Variants in ZNF362 observed in about 807,000 individuals in gnomAD.
ZNF362 encodes zinc finger protein 362.
In ZNF362, 11 loss-of-function variants were observed where a neutral mutation model predicts 42.9. That is an observed-to-expected ratio of 0.26 (90% CI 0.16 to 0.42). ZNF362 has a LOEUF of 0.42. Ranked by LOEUF, ZNF362 falls within the 20% of genes least tolerant of loss-of-function variation. The pLI, the probability that ZNF362 is intolerant of heterozygous loss-of-function variation, is 1.00. For synonymous variants in ZNF362, 255 were observed against 257.3 expected (o/e 0.99, Z 0.09); for missense variants, 362 against 576.2 (o/e 0.63, Z 3.81).
chr1:33,172,071 G>A, the ZNF362 span, among the ~76,000 whole-genome samples: 2 of 152,092 alleles, frequency 1.3e-5, no homozygotes, highest in Admixed American at 6.6e-5. Context: ...CATCAGCCAT[G>A]GCACCGGACC....
At chr1:33,267,664 A>G (rs921755840) in intron 1 of ZNF362, among the ~76,000 whole-genome samples, 3 of 152,202 alleles carry the variant, frequency 2.0e-5, no homozygotes, top group African/African-American at 7.2e-5. Context: ...TGACAGGCCA[A>G]TGTGAGTGTT....
At chr1:33,255,667 C>A (rs372439610), upstream of ZNF362, among the ~76,000 whole-genome samples, 51 of 152,294 alleles carry the variant, frequency 3.3e-4, 1 homozygote, top group East Asian at 9.1e-3. Context: ...CGAGAGGAGC[C>A]ACTGCCAGCT....
chr1:33,263,442 G>T (rs939700672), intron 1 of ZNF362, among the ~76,000 whole-genome samples: 1 of 150,054 alleles, frequency 6.7e-6, no homozygotes, highest in African/African-American at 2.5e-5. Flanking sequence ...ATGGAGTCTC[G>T]CTCTATCACC....
the ZNF362 span, among the ~76,000 whole-genome samples, chr1:33,221,583 A>G: frequency 6.6e-6 from 1 of 152,240 alleles, no homozygotes; most frequent in African/African-American, 2.4e-5. Context: ...GCGCAAGTAT[A>G]TATTTGTAAT....
the ZNF362 span, chr1:33,147,730 G>A: frequency 6.2e-7 from 1 of 1,607,062 alleles, no homozygotes; most frequent in Non-Finnish European, 8.5e-7. This position sits in a 1 kb window ranked among gnomAD's most constrained non-coding sequence, Gnocchi z 8.1. Context: ...GGCTGGCACT[G>A]TGGGGGTTGG....
the ZNF362 span, among the ~76,000 whole-genome samples, chr1:33,187,335 A>G: frequency 6.6e-6 from 1 of 152,236 alleles, no homozygotes; most frequent in African/African-American, 2.4e-5. Flanking sequence ...CAGGGCATTG[A>G]CAGTATGTGT....
intron 1 of ZNF362, among the ~76,000 whole-genome samples, chr1:33,268,582 G>A (rs182134673): frequency 6.6e-6 from 1 of 152,294 alleles, no homozygotes; most frequent in African/African-American, 2.4e-5. Flanking sequence ...AGCAGTCCCC[G>A]ATTGCTTCCA....
At chr1:33,253,567 C>T (rs572713650), upstream of ZNF362, among the ~76,000 whole-genome samples, 68 of 152,082 alleles carry the variant, frequency 4.5e-4, no homozygotes, top group African/African-American at 1.5e-3. Flanking sequence ...GGAGGAGACT[C>T]GTGGGGCAAA....
the ZNF362 span, among the ~76,000 whole-genome samples, chr1:33,174,918 TACAC>T: frequency 7.3e-5 from 10 of 137,380 alleles, no homozygotes; most frequent in African/African-American, 2.0e-4. Flanking sequence ...TATATATATA[TACAC>T]ACACACACAT....
At chr1:33,278,392 T>C (rs1350753123) in intron 4 of ZNF362, among the ~76,000 whole-genome samples, 2 of 152,178 alleles carry the variant, frequency 1.3e-5, no homozygotes, top group Non-Finnish European at 2.9e-5. Flanking sequence ...TTATAGAAAA[T>C]TTGGAAATTG....
At chr1:33,168,733 C>G in the ZNF362 span, among the ~76,000 whole-genome samples, 1 of 152,188 alleles carries the variant, frequency 6.6e-6, no homozygotes, top group African/African-American at 2.4e-5. Context: ...GTAGAAAGAC[C>G]GCTCCTCAGG....
the ZNF362 span, among the ~76,000 whole-genome samples, chr1:33,205,307 G>C: frequency 2.0e-5 from 3 of 151,730 alleles, no homozygotes; most frequent in Non-Finnish European, 4.4e-5. Flanking sequence ...AACATAGTGA[G>C]ACCTCATCTC....
At chr1:33,269,056 T>C (rs544894474) in intron 1 of ZNF362, among the ~76,000 whole-genome samples, 4 of 152,194 alleles carry the variant, frequency 2.6e-5, no homozygotes, top group Non-Finnish European at 5.9e-5. Flanking sequence ...ATCAGCTTCA[T>C]GGTACAGATT....
chr1:33,230,506 A>G, the ZNF362 span, among the ~76,000 whole-genome samples: 3 of 152,218 alleles, frequency 2.0e-5, no homozygotes, highest in African/African-American at 7.2e-5. Context: ...TCTGTAGGAT[A>G]CATAATACTA....
rs781344302 is a variant in ZNF362, at chr1:33,276,551, C to T, written c.306C>T (p.Pro102=). 83 of 1,470,554 alleles carry T rather than the reference C, an allele frequency of 5.6e-5. No individual in the cohort carries two copies. The highest frequency in any genetic ancestry group is 4.0e-4 in the African/African-American group (28 of 69,616). 91.1% of individuals were successfully genotyped at this position (1,470,554 alleles called of 1,614,324 possible). The change falls in exon 4 of 9, where the codon CCC becomes CCT. Residue 102 remains proline, a synonymous_variant. Transcript: ENST00000539719. The part of the protein sequence containing the change: ...PGLHPQAVPQ[P]DVALHARPAT... Reference sequence around the variant, plus strand: ...TGCATCCACAGGCGGTGCCGCAGCCCGACGTGGCGCTGCACGCACGGCCGG... The same window carrying T: ...TGCATCCACAGGCGGTGCCGCAGCCTGACGTGGCGCTGCACGCACGGCCGG...
At chr1:33,268,565 G>A (rs1645879906) in intron 1 of ZNF362, among the ~76,000 whole-genome samples, 1 of 152,152 alleles carries the variant, frequency 6.6e-6, no homozygotes, top group Non-Finnish European at 1.5e-5. Context: ...CTCAGGCATG[G>A]AGGCAGAGCA....
chr1:33,269,465 G>A (rs1002413834), intron 1 of ZNF362, among the ~76,000 whole-genome samples: 2 of 152,016 alleles, frequency 1.3e-5, no homozygotes, highest in Non-Finnish European at 1.5e-5. Context: ...CATAGTGTCC[G>A]GATAGTTTTG....
chr1:33,129,082 G>C, the ZNF362 span, among the ~76,000 whole-genome samples: 1 of 152,164 alleles, frequency 6.6e-6, no homozygotes. This position sits in a 1 kb window ranked among gnomAD's most constrained non-coding sequence, Gnocchi z 4.1. Context: ...CAGGGCACTG[G>C]CGTGTACAAG....
the ZNF362 span, chr1:33,160,078 C>A: frequency 8.7e-7 from 1 of 1,154,088 alleles, no homozygotes; most frequent in Admixed American, 2.5e-5. Flanking sequence ...GGGGAAATGT[C>A]ACATGCAAAA....
Sources: gnomAD v4.1 joint callset for allele counts (sites outside exome capture counted in the v4.1 genomes callset) on GRCh38, gnomAD v4.1.1 for gene constraint, Gnocchi (gnomAD v3.1) non-coding constraint, MANE v1.5 for transcripts, NCBI Gene and HGNC (gene_info 2026-07-23, HGNC 2026-07-21) for gene names.